Variants in ATRNL1 observed in about 807,000 individuals in gnomAD.
The protein encoded by ATRNL1 is attractin-like protein 1.
In ATRNL1, 95 loss-of-function variants were observed where a neutral mutation model predicts 182.7. The observed-to-expected ratio is 0.52, with a 90% CI of 0.44 to 0.62. The LOEUF is 0.62. Among genes scored for constraint, ATRNL1 ranks in the 20% least tolerant of loss-of-function variants. ATRNL1 has a pLI of 0.00. For synonymous variants in ATRNL1, 576 were observed against 568.3 expected (o/e 1.01, Z -0.19); for missense variants, 1,471 against 1,679.5 (o/e 0.88, Z 2.17).
At position 115,727,355 on chromosome 10, in the gene ATRNL1, G is replaced by A; in HGVS notation, c.3903G>A (p.Glu1301=). The change falls in exon 27 of 29, where the codon GAG becomes GAA. Residue 1301 remains glutamate, a splice_region_variant and synonymous_variant. Transcript: ENST00000355044. ...EQTEFLRGPL[E]GAPKPIAIEP... is the part of the protein sequence containing the mutation. ...CAGAGTTTCTGCGAGGGCCATTAGA[G>A]GTAGGAACAGCGGTGCTGAAAGAGG... The A allele has an allele frequency of 6.2e-7, 1 of 1,611,040 alleles. No individual in the cohort carries two copies. Among genetic ancestry groups the A allele is most frequent in the Non-Finnish European group, 8.5e-7 (1 of 1,177,274 alleles).
intron 27 of ATRNL1, among the ~76,000 whole-genome samples, chr10:115,781,045 TACTTGAGGAGAC>T (rs1555079201): frequency 6.6e-6 from 1 of 152,142 alleles, no homozygotes; most frequent in African/African-American, 2.4e-5. Flanking sequence ...ATTAGCAAAA[TACTTGAGGAGAC>T]ACTTCACAAG....
At chr10:115,697,197 A>C (rs1451697215) in intron 26 of ATRNL1, among the ~76,000 whole-genome samples, 5 of 152,042 alleles carry the variant, frequency 3.3e-5, no homozygotes, top group African/African-American at 9.7e-5. Flanking sequence ...TGTTGGCCAC[A>C]TGTATGTCTT....
chr10:115,199,472 G>A (rs1848477519), intron 8 of ATRNL1, among the ~76,000 whole-genome samples: 1 of 152,044 alleles, frequency 6.6e-6, no homozygotes, highest in Non-Finnish European at 1.5e-5. Flanking sequence ...GCTGAGGCAG[G>A]AGAATAGCTT....
intron 26 of ATRNL1, among the ~76,000 whole-genome samples, chr10:115,668,714 G>A (rs1861142634): frequency 6.6e-6 from 1 of 152,026 alleles, no homozygotes; most frequent in South Asian, 2.1e-4. Flanking sequence ...TTACATTTGT[G>A]TCTTAAACAG....
chr10:115,426,196 T>C, intron 20 of ATRNL1, 54 bp from the exon 21 acceptor site: 1 of 1,434,526 alleles, frequency 7.0e-7, no homozygotes, highest in Non-Finnish European at 9.8e-7. Flanking sequence ...AAGAAAAACA[T>C]GAGGCTTTTG....
intron 26 of ATRNL1, among the ~76,000 whole-genome samples, chr10:115,721,814 G>C (rs1947435421): frequency 6.6e-6 from 1 of 152,200 alleles, no homozygotes; most frequent in East Asian, 1.9e-4. Context: ...CAAAGATCCA[G>C]AAACATTTTC....
chr10:115,683,679 A>G (rs1376369952), intron 26 of ATRNL1, among the ~76,000 whole-genome samples: 1 of 151,168 alleles, frequency 6.6e-6, no homozygotes, highest in African/African-American at 2.4e-5. Context: ...GTAGTGCTGG[A>G]AAATTCAACC....
At chr10:115,809,746 C>T (rs1555086497) in intron 27 of ATRNL1, among the ~76,000 whole-genome samples, 1 of 151,890 alleles carries the variant, frequency 6.6e-6, no homozygotes, top group Non-Finnish European at 1.5e-5. Flanking sequence ...CAAATAAACA[C>T]AATTTTAGTT....
rs111349305 is a variant in ATRNL1 at position 115,687,990 on chromosome 10, A to G, written c.3796-39258A>G. On this transcript the variant is annotated intron_variant, in intron 26 of 28. Transcript: ENST00000355044. ...CGCTCCCCACTGCAACCCTTCCCAG[A>G]GTCTGGTATCTATGGTTCTATTCTC... Among the ~76,000 whole-genome samples the G allele has an allele frequency of 9.7e-3, 1,471 of 152,122 alleles. 23 individuals carry two copies. The highest frequency in any genetic ancestry group is 0.034 in the African/African-American group (1,409 of 41,516).
chr10:115,927,892 G>A (rs1174066570), intron 28 of ATRNL1, among the ~76,000 whole-genome samples: 5 of 152,030 alleles, frequency 3.3e-5, no homozygotes, highest in African/African-American at 9.7e-5. Context: ...GAAGTAGTAT[G>A]GTTCAGGAAG....
At chr10:115,459,890 T>C (rs1484788315) in intron 21 of ATRNL1, among the ~76,000 whole-genome samples, 1 of 152,146 alleles carries the variant, frequency 6.6e-6, no homozygotes, top group Non-Finnish European at 1.5e-5. Flanking sequence ...CTCTGTCCCT[T>C]TATTTCTCAA....
chr10:115,694,271 C>T (rs782646590), intron 26 of ATRNL1, among the ~76,000 whole-genome samples: 1 of 151,088 alleles, frequency 6.6e-6, no homozygotes, highest in Non-Finnish European at 1.5e-5. Context: ...CAAATATGTT[C>T]ATATTTATAG....
chr10:115,811,044 C>T (rs1415422731), intron 27 of ATRNL1, among the ~76,000 whole-genome samples: 4 of 151,630 alleles, frequency 2.6e-5, no homozygotes, highest in East Asian at 1.9e-4. Flanking sequence ...ATTTACTATT[C>T]GTTAGTGTCC....
At chr10:115,792,458 G>A (rs781989402) in intron 27 of ATRNL1, among the ~76,000 whole-genome samples, 6 of 152,052 alleles carry the variant, frequency 3.9e-5, no homozygotes, top group Non-Finnish European at 8.8e-5. Flanking sequence ...TATATTGGGT[G>A]TAGCATCTAA....
chr10:115,783,381 T>C (rs1159815000), intron 27 of ATRNL1, among the ~76,000 whole-genome samples: 1 of 152,176 alleles, frequency 6.6e-6, no homozygotes, highest in Admixed American at 6.5e-5. Flanking sequence ...GAGTTCAGAT[T>C]TGGAGATGGA....
chr10:115,869,076 G>T (rs534607131), intron 28 of ATRNL1, among the ~76,000 whole-genome samples: 1 of 151,812 alleles, frequency 6.6e-6, no homozygotes. Context: ...TGATCCGCCC[G>T]CCTCGGCCTC....
At chr10:115,191,913 T>C (rs544128841) in intron 8 of ATRNL1, among the ~76,000 whole-genome samples, 2 of 152,270 alleles carry the variant, frequency 1.3e-5, no homozygotes, top group East Asian at 3.9e-4. Flanking sequence ...AGAAAAGTTC[T>C]ATTCAGATCT....
At chr10:115,617,363 G>GT (rs200642337) in intron 26 of ATRNL1, among the ~76,000 whole-genome samples, 1,662 of 113,696 alleles carry the variant, frequency 0.015, 29 homozygotes, top group African/African-American at 0.043. Flanking sequence ...GTTTTTTTTT[G>GT]TTTTTTGTTT....
intron 28 of ATRNL1, among the ~76,000 whole-genome samples, chr10:115,896,331 G>A (rs571898969): frequency 6.6e-6 from 1 of 152,110 alleles, no homozygotes; most frequent in Non-Finnish European, 1.5e-5. Context: ...ATATTTCAAA[G>A]AAATCAGTAA....
Sources: allele counts gnomAD v4.1 joint callset (sites outside exome capture counted in the v4.1 genomes callset), GRCh38; gene constraint gnomAD v4.1.1; transcripts MANE v1.5; gene names NCBI Gene and HGNC (gene_info 2026-07-23, HGNC 2026-07-21).